The following NCKAP5 variants were observed in gnomAD, a reference collection of about 807,000 sequenced individuals.
The protein encoded by NCKAP5 is NCK associated protein 5.
Under a neutral mutation model 167.0 loss-of-function variants are expected in NCKAP5, and 92 were observed. That is an observed-to-expected ratio of 0.55 (90% CI 0.47 to 0.66). NCKAP5 has a LOEUF of 0.66. Among genes scored for constraint, NCKAP5 ranks in the 30% least tolerant of loss-of-function variants. NCKAP5 has a pLI of 0.00. For missense variants in NCKAP5, 2,378 were observed against 2,315.0 expected, an observed-to-expected ratio of 1.03 and a Z score of -0.56; for synonymous variants, 891 against 877.4, an observed-to-expected ratio of 1.02 and a Z score of -0.27.
intron 18 of NCKAP5, among the ~76,000 whole-genome samples, chr2:132,727,080 T>G (rs371056381): frequency 8.5e-5 from 13 of 152,124 alleles, no homozygotes; most frequent in African/African-American, 2.9e-4. Context: ...CAAAGCAGGG[T>G]TCTGAGTTTC....
intron 19 of NCKAP5, among the ~76,000 whole-genome samples, chr2:132,720,101 CCA>C (rs1449612812): frequency 6.6e-6 from 1 of 152,180 alleles, no homozygotes; most frequent in African/African-American, 2.4e-5. Context: ...TAGGTCTTCC[CCA>C]CTTCCTACAA....
chr2:133,100,226 C>T (rs994784782), intron 6 of NCKAP5, among the ~76,000 whole-genome samples: 3 of 152,186 alleles, frequency 2.0e-5, no homozygotes, highest in Non-Finnish European at 4.4e-5. Flanking sequence ...AAGCTATGGT[C>T]AACCACTTGA....
intron 4 of NCKAP5, among the ~76,000 whole-genome samples, chr2:133,250,348 C>A (rs1466823311): frequency 6.6e-6 from 1 of 152,066 alleles, no homozygotes; most frequent in Non-Finnish European, 1.5e-5. Flanking sequence ...TGGGTTGGAG[C>A]CCTGGACAGC....
chr2:133,325,009 G>A (rs996836179), intron 3 of NCKAP5, among the ~76,000 whole-genome samples: 2 of 152,104 alleles, frequency 1.3e-5, no homozygotes, highest in Non-Finnish European at 2.9e-5. Context: ...CGCCCAGCCT[G>A]CCAAGTACTT....
intron 3 of NCKAP5, among the ~76,000 whole-genome samples, chr2:133,342,105 A>AT (rs889773591): frequency 6.6e-6 from 1 of 151,812 alleles, no homozygotes; most frequent in Non-Finnish European, 1.5e-5. Flanking sequence ...TGCCCAGCTA[A>AT]TTTTTTTGTA....
At chr2:133,174,439 A>G (rs62180668) in intron 5 of NCKAP5, among the ~76,000 whole-genome samples, 13,063 of 152,190 alleles carry the variant, frequency 0.086, 727 homozygotes, top group Non-Finnish European at 0.11. Flanking sequence ...ATACCTTGAG[A>G]CTAGGCAAAT....
intron 3 of NCKAP5, among the ~76,000 whole-genome samples, chr2:133,493,539 A>G (rs1325163776): frequency 1.3e-5 from 2 of 152,214 alleles, no homozygotes; most frequent in Admixed American, 6.5e-5. Flanking sequence ...TCAAACACTG[A>G]GAACAGTGTC....
At chr2:133,166,911 T>A (rs745793171) in intron 5 of NCKAP5, among the ~76,000 whole-genome samples, 5 of 152,198 alleles carry the variant, frequency 3.3e-5, no homozygotes, top group Non-Finnish European at 7.4e-5. Context: ...TGAGCTGGTT[T>A]ATGATCAGCA....
At chr2:132,871,341 A>G (rs1403982878) in intron 9 of NCKAP5, among the ~76,000 whole-genome samples, 3 of 152,232 alleles carry the variant, frequency 2.0e-5, no homozygotes, top group African/African-American at 7.2e-5. Context: ...ACAAAACAGA[A>G]GAATCGAACT....
At chr2:133,053,780 CT>C (rs1412546343) in intron 6 of NCKAP5, among the ~76,000 whole-genome samples, 1 of 152,194 alleles carries the variant, frequency 6.6e-6, no homozygotes, top group African/African-American at 2.4e-5. Context: ...GGAAACACTT[CT>C]TTGCTGTGCT....
intron 4 of NCKAP5, among the ~76,000 whole-genome samples, chr2:133,262,055 T>C (rs535320051): frequency 3.3e-5 from 5 of 152,370 alleles, no homozygotes; most frequent in Non-Finnish European, 7.3e-5. Flanking sequence ...CCATAGCTGC[T>C]AACATCTGTT....
intron 2 of NCKAP5, among the ~76,000 whole-genome samples, chr2:133,543,966 G>A (rs907804077): frequency 2.0e-5 from 3 of 152,184 alleles, no homozygotes; most frequent in Non-Finnish European, 4.4e-5. Flanking sequence ...TCCCAGTACT[G>A]AATATCTAGA....
At chr2:133,124,656 G>A (rs1266485751) in intron 6 of NCKAP5, among the ~76,000 whole-genome samples, 2 of 152,154 alleles carry the variant, frequency 1.3e-5, no homozygotes, top group African/African-American at 4.8e-5. Flanking sequence ...ATATATGTAC[G>A]TAAGACTTCT....
intron 3 of NCKAP5, among the ~76,000 whole-genome samples, chr2:133,472,473 C>T (rs2151287376): frequency 6.6e-6 from 1 of 151,548 alleles, no homozygotes; most frequent in Admixed American, 6.6e-5. Context: ...TTTATTATTG[C>T]TTCTCCTCTC....
chr2:133,010,832 C>T (rs186115624), intron 6 of NCKAP5, among the ~76,000 whole-genome samples: 2 of 151,896 alleles, frequency 1.3e-5, no homozygotes, highest in Admixed American at 1.3e-4. Flanking sequence ...AACTTTAGGC[C>T]AAAATAGTGT....
At chr2:132,957,301 T>C (rs2149175884) in intron 8 of NCKAP5, among the ~76,000 whole-genome samples, 1 of 152,318 alleles carries the variant, frequency 6.6e-6, no homozygotes, top group African/African-American at 2.4e-5. Context: ...CTCACTTTTT[T>C]CCTTGTATTC....
At chr2:133,012,270 C>A (rs980440189) in intron 6 of NCKAP5, among the ~76,000 whole-genome samples, 3 of 152,118 alleles carry the variant, frequency 2.0e-5, no homozygotes, top group Non-Finnish European at 4.4e-5. Context: ...TTTGTTGAGA[C>A]AGAGTCTTGC....
At chr2:133,150,977 C>G (rs2083366649) in intron 5 of NCKAP5, among the ~76,000 whole-genome samples, 1 of 152,154 alleles carries the variant, frequency 6.6e-6, no homozygotes, top group South Asian at 2.1e-4. Flanking sequence ...CATGATCTCA[C>G]TTTATATTAA....
At chr2:133,575,923 T>C in the NCKAP5 span, among the ~76,000 whole-genome samples, 1 of 152,238 alleles carries the variant, frequency 6.6e-6, no homozygotes, top group Non-Finnish European at 1.5e-5. Flanking sequence ...TGTAGGCCAC[T>C]CTCACTCCAA....
Sources: gnomAD v4.1 joint callset for allele counts (sites outside exome capture counted in the v4.1 genomes callset) on GRCh38, gnomAD v4.1.1 for gene constraint, MANE v1.5 for transcripts, NCBI Gene and HGNC (gene_info 2026-07-23, HGNC 2026-07-21) for gene names.